Variants in NPR3 observed in about 807,000 individuals in gnomAD.
NPR3 encodes the protein natriuretic peptide receptor 3, also known as atrial natriuretic peptide receptor 3.
NPR3 carries 34 observed loss-of-function variants against 54.5 expected under a neutral mutation model. The observed-to-expected ratio is 0.62, with a 90% CI of 0.47 to 0.83. NPR3 has a LOEUF of 0.83. Ranked by LOEUF, NPR3 falls within the 40% of genes least tolerant of loss-of-function variation. NPR3 has a pLI of 0.00. For missense variants in NPR3, 674 were observed against 720.8 expected (o/e 0.94, Z 0.74); for synonymous variants, 289 against 297.1 (o/e 0.97, Z 0.28).
In NPR3 at chr5:32,787,539, A is replaced by C. The variant is rs1247952444; in HGVS notation, c.*1194A>C. ...GAAATGACAAATTTAAAACTTTTAC[A>C]CATGGCATTTACCAAAATTCCCAGT... On this transcript the variant is annotated 3_prime_UTR_variant, in exon 8 of 8. Coordinates refer to ENST00000265074, the MANE Select transcript of NPR3 (RefSeq NM_001204375.2). The C allele has an allele frequency of 6.6e-6, 1 of 152,344 alleles. No individual in the cohort carries two copies. Among genetic ancestry groups the C allele is most frequent in the East Asian group, 1.9e-4 (1 of 5,182 alleles). The allele number at this position is 152,344 out of a possible 1,614,324, so 9.4% of individuals were successfully genotyped here. A position where few individuals can be genotyped will look rare whatever the true frequency, so the allele number is the denominator to read the frequency against.
intron 1 of NPR3, among the ~76,000 whole-genome samples, chr5:32,720,028 T>C (rs981047044): frequency 1.3e-5 from 2 of 152,206 alleles, no homozygotes; most frequent in Non-Finnish European, 2.9e-5. Context: ...CAGTTGAACA[T>C]GGATTTAGAT....
At chr5:32,716,998 C>A (rs561188083) in intron 1 of NPR3, among the ~76,000 whole-genome samples, 37,929 of 135,430 alleles carry the variant, frequency 0.28, 4,067 homozygotes, top group Non-Finnish European at 0.32. Flanking sequence ...ATCCCCCAAC[C>A]CCCCCACCCC....
chr5:32,693,849 T>C, intron 1 of NPR3, among the ~76,000 whole-genome samples: 1 of 152,232 alleles, frequency 6.6e-6, no homozygotes, highest in Admixed American at 6.5e-5. Flanking sequence ...TCTCTCATTA[T>C]TTATAACACC....
chr5:32,709,911 G>A (rs1468620845), upstream of NPR3: 1 of 152,110 alleles, frequency 6.6e-6, no homozygotes, highest in East Asian at 1.9e-4. Flanking sequence ...GCCGAAAGAG[G>A]GCGTCGGTCT....
At chr5:32,757,187 C>T (rs1448356289) in intron 3 of NPR3, among the ~76,000 whole-genome samples, 1 of 152,138 alleles carries the variant, frequency 6.6e-6, no homozygotes, top group South Asian at 2.1e-4. Flanking sequence ...CTATAAATGA[C>T]CTTGGGCAGT....
intron 1 of NPR3, among the ~76,000 whole-genome samples, chr5:32,699,366 G>A (rs933409974): frequency 6.6e-6 from 1 of 152,158 alleles, no homozygotes; most frequent in Admixed American, 6.6e-5. Context: ...GTATACGTGT[G>A]TCATGGTGGT....
At chr5:32,764,418 C>G (rs1741335305) in intron 3 of NPR3, among the ~76,000 whole-genome samples, 1 of 152,086 alleles carries the variant, frequency 6.6e-6, no homozygotes, top group African/African-American at 2.4e-5. Context: ...AGTGTTGTCT[C>G]TTCTTTTGAG....
chr5:32,785,023 T>C, intron 7 of NPR3, 140 bp downstream of exon 7: 1 of 715,120 alleles, frequency 1.4e-6, no homozygotes, highest in Non-Finnish European at 2.4e-6. Context: ...GCCATTCTTT[T>C]GGCAGGACCC....
chr5:32,700,643 G>A (rs969462339), intron 1 of NPR3, among the ~76,000 whole-genome samples: 1 of 151,708 alleles, frequency 6.6e-6, no homozygotes, highest in Non-Finnish European at 1.5e-5. Context: ...GAGAACATGT[G>A]GTGTTTGGTT....
At chr5:32,785,639 T>C (rs1312662790) in intron 7 of NPR3, among the ~76,000 whole-genome samples, 2 of 152,308 alleles carry the variant, frequency 1.3e-5, no homozygotes, top group East Asian at 3.9e-4. Context: ...GGCTGATCTG[T>C]GCTCAGTATC....
At chr5:32,710,593 G>A (rs1297606003), upstream of NPR3, 11 of 1,395,300 alleles carry the variant, frequency 7.9e-6, no homozygotes, top group South Asian at 1.4e-4. Context: ...CAGGGGGAGG[G>A]GGCTGGCGCG....
At chr5:32,692,050 T>C (rs1261406409) in intron 1 of NPR3, among the ~76,000 whole-genome samples, 1 of 152,094 alleles carries the variant, frequency 6.6e-6, no homozygotes, top group Non-Finnish European at 1.5e-5. Context: ...TCCTATGGAA[T>C]GAAAGGAATG....
At chr5:32,727,276 G>A (rs909328962) in intron 2 of NPR3, among the ~76,000 whole-genome samples, 2 of 152,054 alleles carry the variant, frequency 1.3e-5, no homozygotes, top group Admixed American at 1.3e-4. Flanking sequence ...ACAGGCATGT[G>A]CCACCATGCC....
chr5:32,712,605 C>A, intron 1 of NPR3, 60 bp downstream of exon 1: 1 of 1,457,490 alleles, frequency 6.9e-7, no homozygotes, highest in Non-Finnish European at 9.1e-7. Flanking sequence ...GCGGCTCTCC[C>A]TGCACACTCG....
intron 4 of NPR3, among the ~76,000 whole-genome samples, chr5:32,776,023 C>G (rs1428777644): frequency 1.3e-5 from 2 of 152,166 alleles, no homozygotes; most frequent in Non-Finnish European, 2.9e-5. Context: ...GAAAACTTTC[C>G]TTCCCAACCT....
chr5:32,712,573 G>C (rs760805999), intron 1 of NPR3, 28 bp downstream of exon 1: 1 of 1,498,030 alleles, frequency 6.7e-7, no homozygotes, highest in African/African-American at 1.4e-5. Context: ...CCGGGCCCCG[G>C]GCCCTAACCC....
At chr5:32,753,205 A>AC (rs1740662876) in intron 3 of NPR3, among the ~76,000 whole-genome samples, 1 of 152,194 alleles carries the variant, frequency 6.6e-6, no homozygotes, top group Admixed American at 6.5e-5. Context: ...TGGTAATGTA[A>AC]TTAATTTCAG....
intron 5 of NPR3, among the ~76,000 whole-genome samples, chr5:32,781,729 C>T (rs1330903561): frequency 2.0e-5 from 3 of 152,182 alleles, no homozygotes; most frequent in African/African-American, 4.8e-5. Context: ...GTCTGGGTCT[C>T]ATCTGTATTT....
chr5:32,743,043 T>A (rs959656375), intron 3 of NPR3, among the ~76,000 whole-genome samples: 3 of 152,228 alleles, frequency 2.0e-5, no homozygotes, highest in African/African-American at 7.2e-5. Flanking sequence ...CAGACTATAC[T>A]GAAGCATTGA....
Sources: gnomAD v4.1 joint callset for allele counts (sites outside exome capture counted in the v4.1 genomes callset) on GRCh38, gnomAD v4.1.1 for gene constraint, MANE v1.5 for transcripts, NCBI Gene and HGNC (gene_info 2026-07-23, HGNC 2026-07-21) for gene names.